The following ZBTB20 variants were observed in gnomAD, a reference collection of about 807,000 sequenced individuals.
ZBTB20 encodes the protein zinc finger and BTB domain-containing protein 20.
Under a neutral mutation model 56.9 loss-of-function variants are expected in ZBTB20, and 9 were observed. The observed-to-expected ratio is 0.16, with a 90% CI of 0.10 to 0.28. The LOEUF (loss-of-function observed/expected upper bound fraction) is 0.28, where lower values mean the gene tolerates loss of function less well. ZBTB20 is among the 10% of genes least tolerant of loss of function. ZBTB20 has a pLI of 1.00. For synonymous variants in ZBTB20, 417 were observed against 420.7 expected (o/e 0.99, Z 0.11); for missense variants, 655 against 1,003.0 (o/e 0.65, Z 4.69).
At chr3:114,624,633 G>A (rs2058546050) in intron 6 of ZBTB20, among the ~76,000 whole-genome samples, 1 of 152,134 alleles carries the variant, frequency 6.6e-6, no homozygotes, top group African/African-American at 2.4e-5. Context: ...TTGTGCAGAG[G>A]CTGCTTATTA....
At chr3:115,043,979 C>T (rs1167373688) in intron 2 of ZBTB20, among the ~76,000 whole-genome samples, 1 of 152,118 alleles carries the variant, frequency 6.6e-6, no homozygotes, top group Non-Finnish European at 1.5e-5. Context: ...TGCTTAAATG[C>T]ATGTGGCACC....
intron 1 of ZBTB20, among the ~76,000 whole-genome samples, chr3:115,074,708 C>T (rs371669677): frequency 2.3e-4 from 35 of 152,174 alleles, no homozygotes; most frequent in African/African-American, 7.9e-4. Flanking sequence ...CCTGCTATTG[C>T]TGTAGTATGC....
rs964542933 is a variant in ZBTB20 at position 114,947,451 on chromosome 3, A to T, written c.-456+26915T>A. 3.4e-5 allele frequency among the ~76,000 whole-genome samples: 5 copies of T among 146,444 alleles called. 1 individual carries two copies. Among genetic ancestry groups the T allele is most frequent in the African/African-American group, 8.3e-5 (3 of 36,250 alleles). On this transcript the variant is annotated intron_variant, in intron 3 of 11. Transcript: ENST00000675478. The stretch of plus-strand genomic sequence containing the variant: ...ATTGGATTAAAAATGTGAAATATAT[A>T]TGTAATAGGATACTATCCAGCTATA...
intron 4 of ZBTB20, among the ~76,000 whole-genome samples, chr3:114,869,122 C>G (rs2075888109): frequency 6.6e-6 from 1 of 151,972 alleles, no homozygotes; most frequent in Admixed American, 6.6e-5. Flanking sequence ...GTTACTGAAG[C>G]TACATAAATG....
intron 3 of ZBTB20, among the ~76,000 whole-genome samples, chr3:114,955,903 G>A (rs1457296934): frequency 6.6e-6 from 1 of 152,042 alleles, no homozygotes; most frequent in Non-Finnish European, 1.5e-5. Flanking sequence ...AGTGAAAATG[G>A]AAAAGGAAAA....
intron 10 of ZBTB20, among the ~76,000 whole-genome samples, chr3:114,353,173 A>T (rs879540949): frequency 6.6e-5 from 10 of 152,160 alleles, no homozygotes; most frequent in Non-Finnish European, 1.0e-4. Context: ...TCAGCTTGGG[A>T]AAGTGAAATA....
At chr3:114,672,196 G>A (rs2061393654) in intron 6 of ZBTB20, among the ~76,000 whole-genome samples, 1 of 152,004 alleles carries the variant, frequency 6.6e-6, no homozygotes, top group South Asian at 2.1e-4. Flanking sequence ...ACCACTTCCT[G>A]TTAATTTTTT....
At chr3:114,934,908 C>T (rs892283641) in intron 3 of ZBTB20, among the ~76,000 whole-genome samples, 8 of 152,172 alleles carry the variant, frequency 5.3e-5, no homozygotes, top group South Asian at 2.1e-4. Flanking sequence ...AAAATGCATA[C>T]AGTACTTGTA....
chr3:115,129,417 G>C (rs977672049), intron 1 of ZBTB20, among the ~76,000 whole-genome samples: 3 of 152,106 alleles, frequency 2.0e-5, no homozygotes, highest in Non-Finnish European at 4.4e-5. Flanking sequence ...TATTATAAAA[G>C]AACGTCTAAG....
In ZBTB20 at chr3:114,380,179, G is replaced by A. The variant is rs2084144705; in HGVS notation, c.199+38C>T. On this transcript the variant is annotated intron_variant, in intron 10 of 11. Transcript: ENST00000675478. Reference sequence around the variant, plus strand: ...ACCCAGGGTAGAAGCACTACTCCAAGCACTGCAAAGACACCATCACCTTAG... The same window carrying A: ...ACCCAGGGTAGAAGCACTACTCCAAACACTGCAAAGACACCATCACCTTAG... 6 of 1,500,666 alleles carry A rather than the reference G, an allele frequency of 4.0e-6. No homozygotes were observed. The Middle Eastern group carries it at 5.4e-4, about 134-fold the overall frequency. 93.0% of individuals were successfully genotyped at this position (1,500,666 alleles called of 1,614,324 possible).
chr3:114,768,077 C>A (rs1322763685), intron 5 of ZBTB20, among the ~76,000 whole-genome samples: 1 of 152,004 alleles, frequency 6.6e-6, no homozygotes, highest in Non-Finnish European at 1.5e-5. Flanking sequence ...ATATGAAAAA[C>A]CATTGGCTCT....
At chr3:114,912,115 T>C (rs2075564076) in intron 3 of ZBTB20, among the ~76,000 whole-genome samples, 3 of 114,142 alleles carry the variant, frequency 2.6e-5, no homozygotes, top group African/African-American at 9.5e-5. Flanking sequence ...GAATAATAGA[T>C]TCAAAGTGCT....
chr3:115,015,564 G>A (rs1316796299), intron 2 of ZBTB20, among the ~76,000 whole-genome samples: 1 of 151,776 alleles, frequency 6.6e-6, no homozygotes, highest in Non-Finnish European at 1.5e-5. Flanking sequence ...GTGAGAATAT[G>A]TGTTGTTTGG....
chr3:115,036,497 C>G (rs905220629), intron 2 of ZBTB20, among the ~76,000 whole-genome samples: 1 of 152,232 alleles, frequency 6.6e-6, no homozygotes, highest in African/African-American at 2.4e-5. Context: ...TCACTGCAAC[C>G]TCCGCCTCCC....
chr3:114,455,317 G>A (rs918246884), intron 7 of ZBTB20, among the ~76,000 whole-genome samples: 6 of 152,114 alleles, frequency 3.9e-5, no homozygotes, highest in African/African-American at 1.2e-4. Context: ...CAAAAAGACT[G>A]TTGGTGTGTT....
intron 4 of ZBTB20, among the ~76,000 whole-genome samples, chr3:114,837,294 A>G (rs1192738705): frequency 6.6e-6 from 1 of 152,190 alleles, no homozygotes; most frequent in Non-Finnish European, 1.5e-5. Flanking sequence ...TATGTTCATA[A>G]TCTCTATTAC....
intron 6 of ZBTB20, among the ~76,000 whole-genome samples, chr3:114,572,730 A>C (rs189753461): frequency 3.0e-4 from 45 of 152,328 alleles, no homozygotes; most frequent in Non-Finnish European, 5.3e-4. Flanking sequence ...GGGCAGACTA[A>C]GTTACTTGTA....
intron 4 of ZBTB20, among the ~76,000 whole-genome samples, chr3:114,870,833 TTC>T (rs1332807402): frequency 6.6e-6 from 1 of 152,024 alleles, no homozygotes; most frequent in Non-Finnish European, 1.5e-5. Flanking sequence ...TCTAAGTCTT[TTC>T]TCCATCCCTT....
At chr3:115,019,910 A>C (rs148472014) in intron 2 of ZBTB20, among the ~76,000 whole-genome samples, 1 of 151,402 alleles carries the variant, frequency 6.6e-6, no homozygotes, top group East Asian at 2.0e-4. Flanking sequence ...AGTTAGAAAT[A>C]ATTAGAGAAG....
Sources: allele counts gnomAD v4.1 joint callset (sites outside exome capture counted in the v4.1 genomes callset), GRCh38; gene constraint gnomAD v4.1.1; transcripts MANE v1.5; gene names NCBI Gene and HGNC (gene_info 2026-07-23, HGNC 2026-07-21).